The following SLC19A2 variants were observed in gnomAD, a reference collection of about 807,000 sequenced individuals.
The protein encoded by SLC19A2 is thiamine transporter 1.
Under a neutral mutation model 44.7 loss-of-function variants are expected in SLC19A2, and 27 were observed. The ratio of observed to expected loss-of-function variants is 0.60; its 90% CI spans 0.45 to 0.83. SLC19A2 has a LOEUF of 0.83. SLC19A2 is among the 40% of genes least tolerant of loss of function. SLC19A2 has a pLI of 0.00. For synonymous variants in SLC19A2, 239 were observed against 243.6 expected (o/e 0.98, Z 0.18); for missense variants, 566 against 613.7 (o/e 0.92, Z 0.82).
chr1:169,468,616 T>A lies in SLC19A2; in HGVS notation c.1223+28A>T, dbSNP rs1322895366. The A allele has an allele frequency of 1.9e-6, 3 of 1,599,706 alleles. No homozygotes were observed. In the East Asian group the frequency reaches 6.7e-5, roughly 36 times the overall value. On this transcript the variant is annotated intron_variant, in intron 4 of 5. Coordinates refer to ENST00000236137, the MANE Select transcript of SLC19A2 (RefSeq NM_006996.3). Reference sequence around the variant, plus strand: ...AAATTTATCCTGTTACAATTTTTCCTAAGGCTTCTATGAGCCAAAATACAT... The same window carrying A: ...AAATTTATCCTGTTACAATTTTTCCAAAGGCTTCTATGAGCCAAAATACAT...
At chr1:169,467,950 C>T (rs1248855600) in intron 5 of SLC19A2, among the ~76,000 whole-genome samples, 161 bp downstream of exon 5, 1 of 152,184 alleles carries the variant, frequency 6.6e-6, no homozygotes, top group African/African-American at 2.4e-5. Context: ...GAGAAAAGAA[C>T]TAAGGATAGG....
At chr1:169,477,842 C>A (rs1171300011) in intron 1 of SLC19A2, 85 bp from the exon 2 acceptor site, 1 of 1,371,496 alleles carries the variant, frequency 7.3e-7, no homozygotes, top group Non-Finnish European at 1.0e-6. Context: ...TCATAAAAAA[C>A]AACCTACAAA....
intron 1 of SLC19A2, among the ~76,000 whole-genome samples, chr1:169,480,788 TTG>T (rs1215611450): frequency 6.6e-6 from 1 of 152,220 alleles, no homozygotes; most frequent in Non-Finnish European, 1.5e-5. Context: ...TCCAATAATA[TTG>T]TCTGTGCTTA....
At chr1:169,472,857 T>G (rs1341750060) in intron 2 of SLC19A2, among the ~76,000 whole-genome samples, 1 of 152,270 alleles carries the variant, frequency 6.6e-6, no homozygotes, top group African/African-American at 2.4e-5. Flanking sequence ...ACCTTTTATG[T>G]TTCTTGTTAA....
Position 169,485,935 on chromosome 1 carries a change from A to G in SLC19A2, c.-169T>C. The G allele has an allele frequency of 2.6e-6, 2 of 782,916 alleles. No homozygotes were observed. Among genetic ancestry groups the G allele is most frequent in the Non-Finnish European group, 4.0e-6 (2 of 504,596 alleles). 48.5% of individuals were successfully genotyped at this position (782,916 alleles called of 1,614,324 possible). A position where few individuals can be genotyped will look rare whatever the true frequency, so the allele number is the denominator to read the frequency against. ...TACAGAACCCCCAGCTTTACCCTACAGACGCCTCTAGGGTCGCTGCCTGAT... is the reference window on the plus strand; with the variant it reads ...TACAGAACCCCCAGCTTTACCCTACGGACGCCTCTAGGGTCGCTGCCTGAT... On this transcript the variant is annotated 5_prime_UTR_variant, in exon 1 of 6. Transcript: ENST00000236137.
intron 1 of SLC19A2, among the ~76,000 whole-genome samples, chr1:169,480,993 A>G (rs1658430449): frequency 1.3e-5 from 2 of 152,230 alleles, no homozygotes; most frequent in African/African-American, 4.8e-5. Context: ...AATAACAACT[A>G]AAAACAAAAA....
chr1:169,482,158 G>A lies in SLC19A2; in HGVS notation c.204+3405C>T, dbSNP rs560120348. ...AGAGATTGCAGTGAGCCGAGATCAC[G>A]CCATTGCACTCCAGCCTGGGCAACA... On this transcript the variant is annotated intron_variant, in intron 1 of 5. Transcript: ENST00000236137. 2.0e-4 allele frequency among the ~76,000 whole-genome samples: 30 copies of A among 151,180 alleles called. No homozygotes were observed. In the Middle Eastern group the frequency reaches 0.021, roughly 106 times the overall value.
Position 169,470,103 on chromosome 1 carries a change from G to A in SLC19A2, c.891C>T (p.Cys297=), listed in dbSNP as rs570678260. Residue 297 remains cysteine, a synonymous_variant, in exon 3 of 6, where the codon TGC becomes TGT. Transcript: ENST00000236137. ...LMCYSSRPLL[C]WSVWWALSTC... ...TAGAGAGGGCCCACCACACAGACCA[G>A]CAGAGAAGAGGGCGAGAGGAGTAGC... 4 of 1,614,066 alleles carry A rather than the reference G, an allele frequency of 2.5e-6. No individual in the cohort carries two copies. The highest frequency in any genetic ancestry group is 2.2e-5 in the South Asian group (2 of 91,082).
Position 169,477,235 on chromosome 1 carries a change from C to G in SLC19A2, c.727G>C (p.Ala243Pro). The change falls in exon 2 of 6, where the codon GCT becomes CCT. Residue 243 changes from alanine to proline, a missense_variant. Transcript: ENST00000236137. ...QNGGIVTDTP[A>P]SNHLPGWEDI... ...TCCCAGCCAGGAAGGTGGTTAGAAG[C>G]TGGGGTGTCAGTAACAATGCCACCA... 6.2e-7 allele frequency: 1 copy of G among 1,614,130 alleles called. No individual in the cohort carries two copies. Among genetic ancestry groups the G allele is most frequent in the Non-Finnish European group, 8.5e-7 (1 of 1,180,018 alleles).
Position 169,477,238 on chromosome 1 carries a change from G to A in SLC19A2, c.724C>T (p.Pro242Ser). The A allele has an allele frequency of 6.2e-7, 1 of 1,614,078 alleles. No individual in the cohort carries two copies. Among genetic ancestry groups the A allele is most frequent in the Non-Finnish European group, 8.5e-7 (1 of 1,179,988 alleles). The change falls in exon 2 of 6, where the codon CCA (proline) becomes TCA (serine). Residue 242 changes from proline to serine, a missense_variant. Transcript: ENST00000236137. ...CAGCCAGGAAGGTGGTTAGAAGCTGGGGTGTCAGTAACAATGCCACCATTT... is the reference window on the plus strand; with the variant it reads ...CAGCCAGGAAGGTGGTTAGAAGCTGAGGTGTCAGTAACAATGCCACCATTT... ...VQNGGIVTDT[P>S]ASNHLPGWED...
In SLC19A2 at chr1:169,485,941, C is replaced by T. The variant is rs1243555030; in HGVS notation, c.-175G>A. On this transcript the variant is annotated 5_prime_UTR_variant, in exon 1 of 6. Transcript: ENST00000236137. ...ACCCCCAGCTTTACCCTACAGACGCCTCTAGGGTCGCTGCCTGATCGCCCA... is the reference window on the plus strand; with the variant it reads ...ACCCCCAGCTTTACCCTACAGACGCTTCTAGGGTCGCTGCCTGATCGCCCA... 3 of 754,084 alleles carry T rather than the reference C, an allele frequency of 4.0e-6. No homozygotes were observed. In the African/African-American group the frequency reaches 5.4e-5, roughly 13 times the overall value. 46.7% of individuals were successfully genotyped at this position (754,084 alleles called of 1,614,324 possible). A position where few individuals can be genotyped will look rare whatever the true frequency, so the allele number is the denominator to read the frequency against.
Position 169,485,705 on chromosome 1 carries a change from C to A in SLC19A2, c.62G>T (p.Arg21Leu). ...GCATTCGCGACGGACCCGAGCGGTC[C>A]GCAGGAGCACAGTGGCCGCCGCCGC... Reference protein sequence around the residue: ...AAAAAATVLLRTARVRRECWF... With the variant: ...AAAAAATVLLLTARVRRECWF... The change falls in exon 1 of 6, where the codon CGG becomes CTG. Residue 21 changes from arginine to leucine, a missense_variant. By Grantham distance (102) the Arg-to-Leu change is moderately radical (BLOSUM62 -2). Transcript: ENST00000236137. The A allele has an allele frequency of 3.9e-6, 6 of 1,543,934 alleles. No individual in the cohort carries two copies. The highest frequency in any genetic ancestry group is 5.2e-6 in the Non-Finnish European group (6 of 1,146,158).
chr1:169,485,802 T>C lies in SLC19A2; in HGVS notation c.-36A>G. On this transcript the variant is annotated 5_prime_UTR_variant, in exon 1 of 6. Coordinates refer to ENST00000236137, the MANE Select transcript of SLC19A2 (RefSeq NM_006996.3). Reference sequence around the variant, plus strand: ...AGGGGAGGGGACCCGGCCCGGCCCCTTCCTTCTCCTCCTCCGCCAACTGGA... The same window carrying C: ...AGGGGAGGGGACCCGGCCCGGCCCCCTCCTTCTCCTCCTCCGCCAACTGGA... 6.6e-7 allele frequency: 1 copy of C among 1,504,690 alleles called. No individual in the cohort carries two copies. Among genetic ancestry groups the C allele is most frequent in the Non-Finnish European group, 8.8e-7 (1 of 1,133,976 alleles). The allele number at this position is 1,504,690 out of a possible 1,614,324, so 93.2% of individuals were successfully genotyped here.
chr1:169,479,458 G>A (rs1658395207), intron 1 of SLC19A2, among the ~76,000 whole-genome samples: 1 of 152,206 alleles, frequency 6.6e-6, no homozygotes, highest in African/African-American at 2.4e-5. Flanking sequence ...CACTTGCTGT[G>A]TGATTGTAGA....
intron 2 of SLC19A2, among the ~76,000 whole-genome samples, chr1:169,470,608 T>C (rs1156912442): frequency 6.6e-6 from 1 of 152,090 alleles, no homozygotes; most frequent in African/African-American, 2.4e-5. Flanking sequence ...GACAGACTGA[T>C]CCAACAGTTA....
intron 2 of SLC19A2, among the ~76,000 whole-genome samples, chr1:169,471,745 A>G (rs769714750): frequency 6.7e-6 from 1 of 150,258 alleles, no homozygotes; most frequent in African/African-American, 2.5e-5. Context: ...AAATTAATAG[A>G]TATTTTCTCC....
chr1:169,482,790 T>C (rs1658470671), intron 1 of SLC19A2, among the ~76,000 whole-genome samples: 1 of 152,144 alleles, frequency 6.6e-6, no homozygotes, highest in Admixed American at 6.5e-5. Flanking sequence ...CTTAAGACTA[T>C]TAGATTAATA....
At chr1:169,476,858 A>C (rs1463658976) in intron 2 of SLC19A2, among the ~76,000 whole-genome samples, 1 of 152,216 alleles carries the variant, frequency 6.6e-6, no homozygotes, top group East Asian at 1.9e-4. Flanking sequence ...CCAAACACTC[A>C]AAAGATGAAG....
chr1:169,476,379 T>A (rs956163437), intron 2 of SLC19A2, among the ~76,000 whole-genome samples: 1 of 152,160 alleles, frequency 6.6e-6, no homozygotes, highest in South Asian at 2.1e-4. Flanking sequence ...ATAACAGATA[T>A]CCCTTCTAGC....
Sources: allele counts gnomAD v4.1 joint callset (sites outside exome capture counted in the v4.1 genomes callset), GRCh38; gene constraint gnomAD v4.1.1; transcripts MANE v1.5; gene names NCBI Gene and HGNC (gene_info 2026-07-23, HGNC 2026-07-21).